KCNMA1: variants seen among roughly 807,000 people sequenced by gnomAD.
KCNMA1 encodes potassium calcium-activated channel subfamily M alpha 1.
Under a neutral mutation model 140.0 loss-of-function variants are expected in KCNMA1, and 29 were observed. The ratio of observed to expected loss-of-function variants is 0.21; its 90% CI spans 0.15 to 0.28. KCNMA1 has a LOEUF of 0.28. Ranked by LOEUF, KCNMA1 falls within the 10% of genes least tolerant of loss-of-function variation. The pLI, the probability that KCNMA1 is intolerant of heterozygous loss-of-function variation, is 1.00. For synonymous variants in KCNMA1, 612 were observed against 611.9 expected (o/e 1.00, Z 0.00); for missense variants, 880 against 1,602.2 (o/e 0.55, Z 7.70).
intron 5 of KCNMA1, among the ~76,000 whole-genome samples, chr10:77,124,873 G>T (rs927930048): frequency 6.6e-6 from 1 of 152,150 alleles, no homozygotes; most frequent in Non-Finnish European, 1.5e-5. Context: ...AATTTATAAA[G>T]GAAAGAGGTT....
intron 1 of KCNMA1, among the ~76,000 whole-genome samples, chr10:77,604,606 G>A (rs2083749940): frequency 6.6e-6 from 1 of 152,012 alleles, no homozygotes; most frequent in Admixed American, 6.6e-5. Context: ...TATGTCGCTT[G>A]AACTCAGGAG....
At chr10:77,283,958 C>T (rs1258816858) in intron 2 of KCNMA1, among the ~76,000 whole-genome samples, 2 of 152,056 alleles carry the variant, frequency 1.3e-5, no homozygotes, top group Non-Finnish European at 2.9e-5. Context: ...TGAGTAGGTG[C>T]TATTTGGGTG....
At chr10:76,897,252 AC>A (rs1299662490) in intron 25 of KCNMA1, among the ~76,000 whole-genome samples, 1 of 151,766 alleles carries the variant, frequency 6.6e-6, no homozygotes, top group Admixed American at 6.6e-5. Context: ...AATAAAAATA[AC>A]CTGTCCTGAG....
At chr10:77,343,484 A>C (rs1395084924) in intron 2 of KCNMA1, among the ~76,000 whole-genome samples, 2 of 152,106 alleles carry the variant, frequency 1.3e-5, no homozygotes, top group East Asian at 3.9e-4. Context: ...GCCCTGATAA[A>C]GGGGGTGGCA....
rs183180818 is a variant in KCNMA1 at position 77,382,002 on chromosome 10, T to A, written c.540+21860A>T. ...TGTTTCTTCTTCGTGGACTTTTTGT[T>A]CCCTCTTTATTTATTTTCCACTGAG... On this transcript the variant is annotated intron_variant, in intron 2 of 27. Transcript: ENST00000286628. 2.6e-5 allele frequency among the ~76,000 whole-genome samples: 4 copies of A among 152,298 alleles called. No individual in the cohort carries two copies. The East Asian group carries it at 7.7e-4, about 29-fold the overall frequency.
intron 1 of KCNMA1, among the ~76,000 whole-genome samples, chr10:77,596,494 T>G (rs1268337287): frequency 3.3e-5 from 5 of 152,140 alleles, no homozygotes; most frequent in African/African-American, 1.2e-4. Flanking sequence ...ACCCCAAAGT[T>G]TACACGATCC....
At chr10:77,303,536 T>C (rs750181244) in intron 2 of KCNMA1, among the ~76,000 whole-genome samples, 3 of 152,198 alleles carry the variant, frequency 2.0e-5, no homozygotes, top group Non-Finnish European at 2.9e-5. Flanking sequence ...TGAAGAATGT[T>C]TCAGTAAATT....
chr10:77,441,115 G>A (rs533756396), intron 1 of KCNMA1, among the ~76,000 whole-genome samples: 1 of 152,044 alleles, frequency 6.6e-6, no homozygotes, highest in African/African-American at 2.4e-5. Context: ...GAGCCACCGC[G>A]CCCGGCCAAG....
chr10:77,070,994 C>A (rs991244613), intron 14 of KCNMA1, among the ~76,000 whole-genome samples: 2 of 152,156 alleles, frequency 1.3e-5, no homozygotes, highest in Non-Finnish European at 2.9e-5. Flanking sequence ...TCCAAACAGG[C>A]GGGAATTGGC....
At chr10:77,353,706 C>A (rs1288727194) in intron 2 of KCNMA1, among the ~76,000 whole-genome samples, 1 of 152,042 alleles carries the variant, frequency 6.6e-6, no homozygotes, top group African/African-American at 2.4e-5. Context: ...ACAGATGAAA[C>A]AATTGAGGCC....
intron 25 of KCNMA1, among the ~76,000 whole-genome samples, chr10:76,894,353 T>G (rs963048610): frequency 1.3e-5 from 2 of 152,298 alleles, no homozygotes; most frequent in East Asian, 3.9e-4. Context: ...GATCTAAATG[T>G]AAAAGCTAAA....
intron 8 of KCNMA1, among the ~76,000 whole-genome samples, chr10:77,109,596 C>A (rs754044633): frequency 6.6e-6 from 1 of 152,070 alleles, no homozygotes; most frequent in Non-Finnish European, 1.5e-5. Flanking sequence ...CCCATGTGTC[C>A]GCTGCAGAAT....
At chr10:77,179,307 A>G (rs950058444) in intron 5 of KCNMA1, among the ~76,000 whole-genome samples, 1 of 152,122 alleles carries the variant, frequency 6.6e-6, no homozygotes, top group African/African-American at 2.4e-5. Flanking sequence ...ACTCTGCGCC[A>G]ATATCCGGGG....
chr10:77,498,360 A>G (rs1380012275), intron 1 of KCNMA1, among the ~76,000 whole-genome samples: 1 of 152,232 alleles, frequency 6.6e-6, no homozygotes, highest in African/African-American at 2.4e-5. Context: ...TACATCCAGA[A>G]GAAAACTGGC....
chr10:77,137,101 G>A (rs1232806558), intron 5 of KCNMA1, among the ~76,000 whole-genome samples: 1 of 147,642 alleles, frequency 6.8e-6, no homozygotes, highest in African/African-American at 2.5e-5. Flanking sequence ...GACAGAAATT[G>A]AGGGATAAAC....
intron 25 of KCNMA1, chr10:76,902,704 G>A (rs199894083): frequency 6.6e-6 from 1 of 152,142 alleles, no homozygotes; most frequent in East Asian, 1.9e-4. Context: ...AATTAGTGTG[G>A]CTTTTAATAC....
At chr10:77,442,123 C>T (rs1365657162) in intron 1 of KCNMA1, among the ~76,000 whole-genome samples, 2 of 152,192 alleles carry the variant, frequency 1.3e-5, no homozygotes, top group Admixed American at 1.3e-4. Flanking sequence ...TAGGCATGTC[C>T]TTGCCTATGG....
intron 1 of KCNMA1, among the ~76,000 whole-genome samples, chr10:77,532,356 C>G (rs1300257408): frequency 6.6e-6 from 1 of 152,230 alleles, no homozygotes; most frequent in African/African-American, 2.4e-5. Context: ...CCCGCCAGTA[C>G]AGTGGGCTCT....
At position 76,987,347 on chromosome 10, in the gene KCNMA1, G is replaced by A. The variant is rs138627734; in HGVS notation, c.2266+14060C>T. ...ATTCACTTTTTCTAATTTGGTTTCC[G>A]GGTGGGCTAGTTAAGAAGGCTTCAC... On this transcript the variant is annotated intron_variant, in intron 19 of 27. Coordinates refer to ENST00000286628, the MANE Select transcript of KCNMA1 (RefSeq NM_001161352.2). Among the ~76,000 whole-genome samples, 220 of 152,270 alleles carry A rather than the reference G, an allele frequency of 1.4e-3. 2 individuals carry two copies. The highest frequency in any genetic ancestry group is 1.9e-3 in the Non-Finnish European group (126 of 68,020).
Sources: gnomAD v4.1 joint callset for allele counts (sites outside exome capture counted in the v4.1 genomes callset) on GRCh38, gnomAD v4.1.1 for gene constraint, MANE v1.5 for transcripts, NCBI Gene and HGNC (gene_info 2026-07-23, HGNC 2026-07-21) for gene names.